Variants in CD2AP observed in about 807,000 individuals in gnomAD.
CD2AP encodes CD2-associated protein.
A neutral mutation model predicts 85.1 loss-of-function variants in CD2AP; 46 were observed. That is an observed-to-expected ratio of 0.54 (90% CI 0.43 to 0.69). The LOEUF (loss-of-function observed/expected upper bound fraction) is 0.69. Ranked by LOEUF, CD2AP falls within the 30% of genes least tolerant of loss-of-function variation. The probability of loss-of-function intolerance (pLI) is 0.00; values close to 1 mark genes in which losing one functional copy is unlikely to be tolerated. For missense variants in CD2AP, 769 were observed against 729.5 expected, an observed-to-expected ratio of 1.05 and a Z score of -0.62; for synonymous variants, 255 against 252.9, an observed-to-expected ratio of 1.01 and a Z score of -0.08.
chr6:47,527,113 C>CT (rs1554170260), intron 2 of CD2AP, among the ~76,000 whole-genome samples: 3 of 151,754 alleles, frequency 2.0e-5, no homozygotes, highest in Admixed American at 6.6e-5. Context: ...GACTCCCCCC[C>CT]GATTGAAAAA....
In CD2AP at chr6:47,609,213, A is replaced by G; in HGVS notation, c.1723A>G (p.Thr575Ala). The change falls in exon 16 of 18, where the codon ACA (threonine) becomes GCA (alanine). Residue 575 changes from threonine (T) to alanine (A), a missense_variant. Transcript: ENST00000359314. The part of the protein sequence containing the change: ...TPLEIKAKVE[T>A]DDVKKNSLDE... ...ATTAGAAATCAAAGCTAAAGTGGAA[A>G]CAGATGATGTGAAAAAAAATTCCCT... The G allele has an allele frequency of 6.2e-7, 1 of 1,613,302 alleles. No homozygotes were observed. The highest frequency in any genetic ancestry group is 8.5e-7 in the Non-Finnish European group (1 of 1,179,362).
At chr6:47,548,981 A>G (rs533107945) in intron 4 of CD2AP, among the ~76,000 whole-genome samples, 1 of 152,334 alleles carries the variant, frequency 6.6e-6, no homozygotes, top group African/African-American at 2.4e-5. Flanking sequence ...GATGCAGAAA[A>G]AACATTAGAC....
chr6:47,483,561 A>T (rs1407827853), intron 1 of CD2AP, among the ~76,000 whole-genome samples: 1 of 152,236 alleles, frequency 6.6e-6, no homozygotes, highest in East Asian at 1.9e-4. Context: ...TATTGGAATT[A>T]CTTAGGATGA....
rs1767611123 is a variant in CD2AP, at chr6:47,554,187, A to G, written c.421-459A>G. On this transcript the variant is annotated intron_variant, in intron 4 of 17. Coordinates refer to ENST00000359314, the MANE Select transcript of CD2AP (RefSeq NM_012120.3). Reference sequence around the variant, plus strand: ...TGGGCTCTCAAAGTGCTGGGATTACAGACCTGAGCCACCGTGCCTGGCCAG... The same window carrying G: ...TGGGCTCTCAAAGTGCTGGGATTACGGACCTGAGCCACCGTGCCTGGCCAG... 1.3e-5 allele frequency among the ~76,000 whole-genome samples: 2 copies of G among 152,170 alleles called. 1 individual carries two copies. The highest frequency in any genetic ancestry group is 1.3e-4 in the Admixed American group (2 of 15,270).
Position 47,477,884 on chromosome 6 carries a change from G to A in CD2AP, c.-361G>A. On this transcript the variant is annotated 5_prime_UTR_variant, in exon 1 of 18. Coordinates refer to ENST00000359314, the MANE Select transcript of CD2AP (RefSeq NM_012120.3). ...GGGCGGGCTCCGAGGCTAGGCGGGC[G>A]CTCGGGGTTGGAGCCGAGGGTCTGG... The A allele has an allele frequency of 2.7e-6, 1 of 364,602 alleles. No individual in the cohort carries two copies. The highest frequency in any genetic ancestry group is 5.0e-6 in the Non-Finnish European group (1 of 200,962). The allele number at this position is 364,602 out of a possible 1,614,324, so 22.6% of individuals were successfully genotyped here.
chr6:47,514,118 T>C (rs765373720), intron 2 of CD2AP, among the ~76,000 whole-genome samples: 1 of 152,216 alleles, frequency 6.6e-6, no homozygotes, highest in Non-Finnish European at 1.5e-5. Flanking sequence ...CTTCTGCTTA[T>C]GTATTCCTCG....
At chr6:47,484,284 C>G (rs577962006) in intron 1 of CD2AP, among the ~76,000 whole-genome samples, 2 of 151,800 alleles carry the variant, frequency 1.3e-5, no homozygotes, top group African/African-American at 4.8e-5. Context: ...GTTTTAACCA[C>G]AAATGAAGTA....
In CD2AP at chr6:47,481,342, T is replaced by G. The variant is rs377712188; in HGVS notation, c.4+3094T>G. ...ACATATCAGTCATGTGGTGGTGTTTTTTTGTTTGTTTGTTTGTTTTTTTGA... is the reference window on the plus strand; with the variant it reads ...ACATATCAGTCATGTGGTGGTGTTTGTTTGTTTGTTTGTTTGTTTTTTTGA... On this transcript the variant is annotated intron_variant, in intron 1 of 17. Transcript: ENST00000359314. Among the ~76,000 whole-genome samples, 10 of 152,230 alleles carry G rather than the reference T, an allele frequency of 6.6e-5. No homozygotes were observed. The South Asian group carries it at 1.2e-3, about 19-fold the overall frequency.
At chr6:47,508,534 C>CTTTTTTTTTTT (rs374284567) in intron 2 of CD2AP, among the ~76,000 whole-genome samples, 6 of 129,396 alleles carry the variant, frequency 4.6e-5, no homozygotes, top group African/African-American at 8.6e-5. Flanking sequence ...TTCTTTCTTT[C>CTTTTTTTTTTT]TTTTTTTTTT....
At chr6:47,506,150 T>C (rs1383590250) in intron 2 of CD2AP, among the ~76,000 whole-genome samples, 6 of 27,518 alleles carry the variant, frequency 2.2e-4, no homozygotes, top group African/African-American at 7.6e-4. Context: ...GAGGCGCTCC[T>C]CACATCCCAG....
intron 16 of CD2AP, 107 bp downstream of exon 16, chr6:47,609,411 T>A (rs1212923213): frequency 1.1e-6 from 1 of 917,106 alleles, no homozygotes; most frequent in Non-Finnish European, 1.8e-6. Context: ...GTGTGGTAGT[T>A]CGCGCCTGTA....
At chr6:47,571,540 G>C (rs917619527) in intron 5 of CD2AP, among the ~76,000 whole-genome samples, 3 of 152,168 alleles carry the variant, frequency 2.0e-5, no homozygotes, top group Non-Finnish European at 4.4e-5. Context: ...AAGGCAGTTA[G>C]AATTTTGTGT....
intron 4 of CD2AP, among the ~76,000 whole-genome samples, chr6:47,547,092 A>G (rs1234257744): frequency 6.6e-6 from 1 of 152,190 alleles, no homozygotes; most frequent in Admixed American, 6.5e-5. Context: ...TAAATCTCAC[A>G]GGACCTATAA....
At chr6:47,569,105 A>G (rs1298708787) in intron 5 of CD2AP, among the ~76,000 whole-genome samples, 1 of 152,222 alleles carries the variant, frequency 6.6e-6, no homozygotes, top group Non-Finnish European at 1.5e-5. Context: ...TAGGCAGTGT[A>G]GAGAGTAAGT....
At chr6:47,557,312 C>T (rs1056221304) in intron 5 of CD2AP, among the ~76,000 whole-genome samples, 6 of 151,760 alleles carry the variant, frequency 4.0e-5, no homozygotes, top group Admixed American at 6.6e-5. Context: ...TTTGCTGTGC[C>T]GAAGCTCTTT....
intron 6 of CD2AP, 42 bp downstream of exon 6, chr6:47,574,293 T>C: frequency 6.5e-7 from 1 of 1,533,096 alleles, no homozygotes; most frequent in East Asian, 2.3e-5. Context: ...ACTCATTCTC[T>C]CATTAAGCAT....
chr6:47,533,873 C>A, intron 3 of CD2AP, 118 bp downstream of exon 3: 2 of 1,005,604 alleles, frequency 2.0e-6, no homozygotes, highest in African/African-American at 1.6e-5. Context: ...TAACTTCCTG[C>A]AAAGTCTCAT....
chr6:47,544,259 A>T (rs979751600), intron 3 of CD2AP, among the ~76,000 whole-genome samples: 4 of 152,226 alleles, frequency 2.6e-5, no homozygotes, highest in Non-Finnish European at 5.9e-5. Context: ...TCTGAAAATC[A>T]CTAGCCTAGA....
intron 5 of CD2AP, among the ~76,000 whole-genome samples, chr6:47,559,257 AT>A (rs76704002): frequency 0.03 from 3,934 of 130,568 alleles, 94 homozygotes; most frequent in African/African-American, 0.071. Flanking sequence ...GTTTCGTGCA[AT>A]TTTTTTTTTT....
Sources: gnomAD v4.1 joint callset for allele counts (sites outside exome capture counted in the v4.1 genomes callset) on GRCh38, gnomAD v4.1.1 for gene constraint, MANE v1.5 for transcripts, NCBI Gene and HGNC (gene_info 2026-07-23, HGNC 2026-07-21) for gene names.